SLC2A3: variants seen among roughly 807,000 people sequenced by gnomAD.
The protein encoded by SLC2A3 is solute carrier family 2, facilitated glucose transporter member 3.
SLC2A3 carries 21 observed loss-of-function variants against 46.4 expected under a neutral mutation model. The observed-to-expected ratio is 0.45, with a 90% CI of 0.32 to 0.65. The LOEUF is 0.65. Ranked by LOEUF, SLC2A3 falls within the 30% of genes least tolerant of loss-of-function variation. The pLI is 0.04. For synonymous variants in SLC2A3, 213 were observed against 239.4 expected (o/e 0.89, Z 1.02); for missense variants, 499 against 623.3 (o/e 0.80, Z 2.12).
At chr12:7,923,708 C>T (rs1946064164) in intron 8 of SLC2A3, among the ~76,000 whole-genome samples, 1 of 151,946 alleles carries the variant, frequency 6.6e-6, no homozygotes, top group African/African-American at 2.4e-5. Flanking sequence ...AATCCTCTAA[C>T]CTTGGCCTTC....
At chr12:7,923,322 C>T (rs1946058612) in intron 8 of SLC2A3, 1 of 294,596 alleles carries the variant, frequency 3.4e-6, no homozygotes, top group Non-Finnish European at 6.3e-6. Context: ...GCATGTGCCA[C>T]CACACCTGCC....
chr12:7,930,171 G>A, intron 5 of SLC2A3: 1 of 550,790 alleles, frequency 1.8e-6, no homozygotes, highest in South Asian at 2.3e-5. Context: ...TTTTAGTAGA[G>A]ACAGGGTTTC....
intron 3 of SLC2A3, among the ~76,000 whole-genome samples, chr12:7,931,699 G>T (rs150807032): frequency 1.1e-3 from 163 of 151,958 alleles, no homozygotes; most frequent in African/African-American, 3.9e-3. Context: ...GGGAGCTGAG[G>T]TCGGAGGTCG....
In SLC2A3 at chr12:7,920,821, A is replaced by G. The variant is rs1171397851; in HGVS notation, c.*592T>C. On this transcript the variant is annotated 3_prime_UTR_variant, in exon 10 of 10. Coordinates refer to ENST00000075120, the MANE Select transcript of SLC2A3 (RefSeq NM_006931.3). ...ATTTGGCAAAATTACGCTTAAAAAA[A>G]TAAATATTTCCATCATGGCATATAT... is the stretch of plus-strand genomic sequence containing the variant. 6.5e-6 allele frequency: 1 copy of G among 153,332 alleles called. No individual in the cohort carries two copies. Among genetic ancestry groups the G allele is most frequent in the East Asian group, 1.9e-4 (1 of 5,236 alleles). The allele number at this position is 153,332 out of a possible 1,614,324, so 9.5% of individuals were successfully genotyped here.
chr12:7,933,687 A>C (rs1051879197), intron 2 of SLC2A3, 123 bp downstream of exon 2: 7 of 985,138 alleles, frequency 7.1e-6, no homozygotes, highest in African/African-American at 3.3e-5. Flanking sequence ...CCTCAGCCTC[A>C]GGAGTAGCTG....
At chr12:7,928,064 C>A (rs1946113533) in intron 6 of SLC2A3, among the ~76,000 whole-genome samples, 1 of 151,828 alleles carries the variant, frequency 6.6e-6, no homozygotes, top group Non-Finnish European at 1.5e-5. Context: ...TGAGATTGCG[C>A]CACAGCACTC....
Position 7,932,983 on chromosome 12 carries a change from A to C in SLC2A3, c.269+4T>G. On this transcript the variant is annotated splice_donor_region_variant and intron_variant, in intron 3 of 9. Coordinates refer to ENST00000075120, the MANE Select transcript of SLC2A3 (RefSeq NM_006931.3). The stretch of plus-strand genomic sequence containing the variant: ...CACTTCCTTGCCCAGTTTCTAGTCA[A>C]TACCTGCCAAAGCGGTTGACGAAGA... 6.2e-7 allele frequency: 1 copy of C among 1,613,988 alleles called. No individual in the cohort carries two copies. The highest frequency in any genetic ancestry group is 1.1e-5 in the South Asian group (1 of 91,080).
chr12:7,922,571 C>A (rs767369601), intron 9 of SLC2A3, among the ~76,000 whole-genome samples: 1 of 152,158 alleles, frequency 6.6e-6, no homozygotes, highest in East Asian at 1.9e-4. Flanking sequence ...AAGCGATTCT[C>A]CTTCCTCGAT....
rs751287872 is a variant in SLC2A3, at chr12:7,919,682, A to T, written c.*1731T>A. On this transcript the variant is annotated 3_prime_UTR_variant, in exon 10 of 10. Coordinates refer to ENST00000075120, the MANE Select transcript of SLC2A3 (RefSeq NM_006931.3). ...CGCCTAGGCCTCCCAAAGTGCTGGG[A>T]TTACAGGCGTGAGCCACCGCATCCG... The T allele has an allele frequency of 6.6e-6, 1 of 152,464 alleles. No individual in the cohort carries two copies. Among genetic ancestry groups the T allele is most frequent in the South Asian group, 2.1e-4 (1 of 4,828 alleles). 9.4% of individuals were successfully genotyped at this position (152,464 alleles called of 1,614,324 possible).
chr12:7,928,458 C>T (rs1324021389), intron 6 of SLC2A3, among the ~76,000 whole-genome samples: 1 of 152,010 alleles, frequency 6.6e-6, no homozygotes, highest in East Asian at 1.9e-4. Context: ...CCTCAGACTG[C>T]TCACGGATCA....
intron 9 of SLC2A3, among the ~76,000 whole-genome samples, chr12:7,922,044 C>T (rs1015381364): frequency 2.0e-5 from 3 of 151,120 alleles, no homozygotes; most frequent in East Asian, 3.9e-4. Flanking sequence ...TTTTTTGAGA[C>T]GGAATCTCGC....
intron 6 of SLC2A3, 108 bp downstream of exon 6, chr12:7,929,576 T>A: frequency 6.8e-7 from 1 of 1,480,884 alleles, no homozygotes; most frequent in Non-Finnish European, 9.1e-7. Flanking sequence ...GTGATCCTCT[T>A]ACCTCAGCCT....
At chr12:7,933,647 T>A (rs1946182418) in intron 2 of SLC2A3, 163 bp downstream of exon 2, 1 of 698,334 alleles carries the variant, frequency 1.4e-6, no homozygotes, top group Non-Finnish European at 2.4e-6. Context: ...CAGGATGGTG[T>A]TTAACTCCTG....
At chr12:7,922,783 T>A in intron 9 of SLC2A3, 38 bp downstream of exon 9, 1 of 1,613,118 alleles carries the variant, frequency 6.2e-7, no homozygotes, top group Admixed American at 1.7e-5. Flanking sequence ...CATGTCAGCT[T>A]ACATAGGCTG....
intron 1 of SLC2A3, among the ~76,000 whole-genome samples, chr12:7,935,234 G>A (rs1241802182): frequency 5.3e-5 from 8 of 152,116 alleles, no homozygotes; most frequent in Non-Finnish European, 1.0e-4. Flanking sequence ...CCGGCGGATC[G>A]CCTGAGGTCG....
chr12:7,929,165 C>T (rs981620753), intron 6 of SLC2A3, among the ~76,000 whole-genome samples: 5 of 152,024 alleles, frequency 3.3e-5, no homozygotes, highest in Admixed American at 3.3e-4. Context: ...TCTGAAAACC[C>T]TTAGGGGATG....
chr12:7,925,116 G>A (rs1946081103), intron 7 of SLC2A3, among the ~76,000 whole-genome samples: 1 of 152,266 alleles, frequency 6.6e-6, no homozygotes, highest in Admixed American at 6.5e-5. Context: ...CAACCCCACA[G>A]AGACAGAAGC....
chr12:7,927,838 GGA>G (rs1228973966), intron 6 of SLC2A3, among the ~76,000 whole-genome samples: 1 of 152,112 alleles, frequency 6.6e-6, no homozygotes, highest in Non-Finnish European at 1.5e-5. Flanking sequence ...CGGCACTTTA[GGA>G]GAGAGAGCTG....
chr12:7,931,285 A>G lies in SLC2A3; in HGVS notation c.470T>C (p.Leu157Pro). 1 of 1,614,178 alleles carries G rather than the reference A, an allele frequency of 6.2e-7. No homozygotes were observed. Among genetic ancestry groups the G allele is most frequent in the Non-Finnish European group, 8.5e-7 (1 of 1,180,024 alleles). Residue 157 changes from leucine (L) to proline (P), a missense_variant, in exon 4 of 10, where the codon CTC becomes CCC. This residue lies in a region of SLC2A3 where 248 missense variants were observed against 284.0 expected (regional missense o/e 0.87). Transcript: ENST00000075120. ...TCCAACAACGATGCCCAGCTGGTTGAGAGTGCCAAAGGCACCCCGCAGGGC... is the reference window on the plus strand; with the variant it reads ...TCCAACAACGATGCCCAGCTGGTTGGGAGTGCCAAAGGCACCCCGCAGGGC... ...PTALRGAFGT[L>P]NQLGIVVGIL...
Sources: gnomAD v4.1 joint callset for allele counts (sites outside exome capture counted in the v4.1 genomes callset) on GRCh38, gnomAD v4.1.1 for gene constraint, gnomAD v4.1.1 regional missense constraint, MANE v1.5 for transcripts, NCBI Gene and HGNC (gene_info 2026-07-23, HGNC 2026-07-21) for gene names.